Variants in ADGRG6 observed in about 807,000 individuals in gnomAD.
The protein encoded by ADGRG6 is G-protein coupled receptor 126.
In ADGRG6, 84 loss-of-function variants were observed where a neutral mutation model predicts 142.4. The ratio of observed to expected loss-of-function variants is 0.59; its 90% confidence interval spans 0.49 to 0.71. ADGRG6 has a LOEUF of 0.71. Among genes scored for constraint, ADGRG6 ranks in the 30% least tolerant of loss-of-function variants. ADGRG6 has a pLI of 0.00. For missense variants in ADGRG6, 1,367 were observed against 1,466.6 expected, an observed-to-expected ratio of 0.93 and a Z score of 1.11; for synonymous variants, 521 against 520.5, an observed-to-expected ratio of 1.00 and a Z score of -0.01.
At chr6:142,368,233 T>G (rs1781048691) in intron 3 of ADGRG6, among the ~76,000 whole-genome samples, 1 of 152,192 alleles carries the variant, frequency 6.6e-6, no homozygotes, top group South Asian at 2.1e-4. Flanking sequence ...CACTGAAAAT[T>G]TAAAACATCC....
intron 17 of ADGRG6, among the ~76,000 whole-genome samples, chr6:142,410,988 T>A (rs1776051164): frequency 6.6e-6 from 1 of 152,172 alleles, no homozygotes; most frequent in African/African-American, 2.4e-5. Context: ...TGTAGTGTAT[T>A]TGAAAATGAG....
At chr6:142,437,662 G>T in intron 23 of ADGRG6, 127 bp downstream of exon 23, 1 of 622,510 alleles carries the variant, frequency 1.6e-6, no homozygotes, top group South Asian at 1.8e-5. Flanking sequence ...GTGAAGATGC[G>T]TAGTTGGAAT....
intron 2 of ADGRG6, among the ~76,000 whole-genome samples, chr6:142,338,655 C>A (rs1779465468): frequency 6.6e-6 from 1 of 151,900 alleles, no homozygotes; most frequent in Admixed American, 6.6e-5. Context: ...TAATACTCAG[C>A]ACAAATTGTA....
At chr6:142,303,492 A>G (rs1777329115) in intron 1 of ADGRG6, among the ~76,000 whole-genome samples, 1 of 152,160 alleles carries the variant, frequency 6.6e-6, no homozygotes, top group African/African-American at 2.4e-5. Flanking sequence ...TGAACCACTT[A>G]TTTTTACTGA....
chr6:142,405,351 T>A (rs1389972272), intron 14 of ADGRG6: 1 of 467,748 alleles, frequency 2.1e-6, no homozygotes, highest in African/African-American at 2.0e-5. Context: ...AGTTATTATC[T>A]TTCACTACGT....
intron 13 of ADGRG6, among the ~76,000 whole-genome samples, chr6:142,403,496 G>A (rs1044529258): frequency 6.6e-6 from 1 of 152,102 alleles, no homozygotes; most frequent in African/African-American, 2.4e-5. Flanking sequence ...GTAAGGTAGG[G>A]AGGATGCTTT....
At chr6:142,302,403 G>A (rs1180025761) in intron 1 of ADGRG6, 72 bp downstream of exon 1, 8 of 1,477,456 alleles carry the variant, frequency 5.4e-6, no homozygotes, top group Non-Finnish European at 7.5e-6. Flanking sequence ...CCCCCTCCCC[G>A]ACCACCCCAC....
intron 15 of ADGRG6, among the ~76,000 whole-genome samples, chr6:142,407,144 A>G: frequency 6.7e-6 from 1 of 149,280 alleles, no homozygotes; most frequent in Non-Finnish European, 1.5e-5. Context: ...AGGCCAATCA[A>G]GCCAACATAG....
chr6:142,390,961 A>G (rs1774865049), intron 7 of ADGRG6, among the ~76,000 whole-genome samples: 1 of 151,794 alleles, frequency 6.6e-6, no homozygotes, highest in Non-Finnish European at 1.5e-5. Flanking sequence ...ACATTAGAGA[A>G]CTACATGTTT....
At chr6:142,350,125 G>A (rs1006692621) in intron 2 of ADGRG6, among the ~76,000 whole-genome samples, 174 of 152,250 alleles carry the variant, frequency 1.1e-3, no homozygotes, top group African/African-American at 3.9e-3. Flanking sequence ...CATCGATAAT[G>A]TAACACCACC....
At chr6:142,326,139 A>G (rs1274128956) in intron 2 of ADGRG6, among the ~76,000 whole-genome samples, 1 of 152,098 alleles carries the variant, frequency 6.6e-6, no homozygotes, top group Non-Finnish European at 1.5e-5. Flanking sequence ...ATATTAACAT[A>G]GTGATGAGAG....
At chr6:142,435,785 G>GA (rs1434249523) in intron 22 of ADGRG6, among the ~76,000 whole-genome samples, 3 of 152,066 alleles carry the variant, frequency 2.0e-5, no homozygotes, top group African/African-American at 4.8e-5. Context: ...GGAGTGCTGT[G>GA]AAAAAAAGAT....
chr6:142,376,329 G>A (rs376409927), intron 4 of ADGRG6, among the ~76,000 whole-genome samples: 3 of 152,208 alleles, frequency 2.0e-5, no homozygotes, highest in African/African-American at 2.4e-5. Flanking sequence ...ACAGTATAAC[G>A]CAATGAATAG....
intron 9 of ADGRG6, among the ~76,000 whole-genome samples, chr6:142,396,680 G>A (rs753056519): frequency 1.4e-4 from 22 of 151,976 alleles, no homozygotes; most frequent in Admixed American, 2.6e-4. Flanking sequence ...ATAATATAAC[G>A]TCTTATCTTA....
chr6:142,338,214 G>A (rs1452815994), intron 2 of ADGRG6, among the ~76,000 whole-genome samples: 1 of 150,576 alleles, frequency 6.6e-6, no homozygotes, highest in African/African-American at 2.4e-5. Context: ...TAGAGATGGG[G>A]TTTCACCGTG....
At chr6:142,357,024 G>C (rs2114804197) in intron 2 of ADGRG6, among the ~76,000 whole-genome samples, 1 of 152,308 alleles carries the variant, frequency 6.6e-6, no homozygotes, top group Non-Finnish European at 1.5e-5. Context: ...AAAAGATCTT[G>C]TGTAAGTTTA....
intron 4 of ADGRG6, among the ~76,000 whole-genome samples, chr6:142,378,643 C>G: frequency 6.6e-6 from 1 of 152,152 alleles, no homozygotes; most frequent in Non-Finnish European, 1.5e-5. Context: ...ATCTTTAAAA[C>G]TCCCCCTTCC....
intron 4 of ADGRG6, among the ~76,000 whole-genome samples, chr6:142,373,199 C>T (rs1326156014): frequency 6.6e-6 from 1 of 152,156 alleles, no homozygotes; most frequent in African/African-American, 2.4e-5. Context: ...GAGCTGTGCT[C>T]TTCTAACCAG....
chr6:142,417,375 TAATA>T lies in ADGRG6; in HGVS notation c.3035+9_3035+12del, dbSNP rs755169705. On this transcript the variant is annotated splice_region_variant and intron_variant, in intron 21 of 24. Coordinates refer to ENST00000367609, the MANE Select transcript of ADGRG6 (RefSeq NM_198569.3). ...AAAGAAAAAGGTGATGAATTGTAAG[TAATA>T]AAAACTTTTTGTGATGAGTAGATAT... is the stretch of plus-strand genomic sequence containing the variant. 3.5e-5 allele frequency: 47 copies of T among 1,344,722 alleles called. No individual in the cohort carries two copies. The East Asian group carries it at 1.0e-3, about 29-fold the overall frequency. The allele number at this position is 1,344,722 out of a possible 1,614,324, so 83.3% of individuals were successfully genotyped here.
Sources: gnomAD v4.1 joint callset for allele counts (sites outside exome capture counted in the v4.1 genomes callset) on GRCh38, gnomAD v4.1.1 for gene constraint, MANE v1.5 for transcripts, NCBI Gene and HGNC (gene_info 2026-07-23, HGNC 2026-07-21) for gene names.